The following SPIRE1 variants were observed in gnomAD, a reference collection of about 807,000 sequenced individuals.
SPIRE1 encodes spire type actin nucleation factor 1, also known as protein spire homolog 1.
SPIRE1 carries 40 observed loss-of-function variants against 94.1 expected under a neutral mutation model. The observed-to-expected ratio is 0.43, with a 90% confidence interval of 0.33 to 0.55. The LOEUF is 0.55. Ranked by LOEUF, SPIRE1 falls within the 20% of genes least tolerant of loss-of-function variation. The probability of loss-of-function intolerance (pLI) is 0.06; values close to 1 mark genes in which losing one functional copy is unlikely to be tolerated. For missense variants in SPIRE1, 838 were observed against 975.2 expected (o/e 0.86, Z 1.87); for synonymous variants, 376 against 371.7 (o/e 1.01, Z -0.13).
chr18:12,474,175 A>G (rs1363637719), intron 10 of SPIRE1, among the ~76,000 whole-genome samples: 1 of 152,246 alleles, frequency 6.6e-6, no homozygotes, highest in Non-Finnish European at 1.5e-5. Flanking sequence ...TTCAGTTTAC[A>G]GTTGGAAGTG....
At chr18:12,530,578 T>C (rs993504205) in intron 4 of SPIRE1, among the ~76,000 whole-genome samples, 6 of 152,092 alleles carry the variant, frequency 3.9e-5, no homozygotes, top group African/African-American at 1.4e-4. Flanking sequence ...CCTCTCAAAG[T>C]GCTGGGATTA....
In SPIRE1 at chr18:12,476,719, TA is replaced by T. The variant is rs569548971; in HGVS notation, c.1404+2979del. The stretch of plus-strand genomic sequence containing the variant: ...ATTAAAAAGGAATTATGTATATATT[TA>T]AAAAGGAACATAAGGCATTCCCACA... On this transcript the variant is annotated intron_variant, in intron 10 of 16. Transcript: ENST00000409402. Among the ~76,000 whole-genome samples the T allele has an allele frequency of 6.2e-3, 936 of 151,208 alleles. 9 individuals carry two copies. The highest frequency in any genetic ancestry group is 0.017 in the Middle Eastern group (5 of 288).
intron 2 of SPIRE1, among the ~76,000 whole-genome samples, chr18:12,617,437 A>C (rs1214304175): frequency 6.6e-6 from 1 of 151,266 alleles, no homozygotes; most frequent in Admixed American, 6.6e-5. Context: ...TTGGAGACAG[A>C]GTTTCGCTTT....
intron 1 of SPIRE1, chr18:12,653,216 C>T (rs1479450031): frequency 6.6e-6 from 1 of 152,168 alleles, no homozygotes; most frequent in Non-Finnish European, 1.5e-5. Flanking sequence ...GCCACCACAA[C>T]AAAGTATTAC....
rs114208290 is a variant in SPIRE1, at chr18:12,616,658, G to A, written c.372+18404C>T. 9.4e-3 allele frequency among the ~76,000 whole-genome samples: 1,436 copies of A among 152,312 alleles called. 31 individuals carry two copies. The highest frequency in any genetic ancestry group is 0.032 in the African/African-American group (1,324 of 41,562). ...GCTTACTTACAGGCAGTGGTAGTGC[G>A]AAGGCGGAGCCCTGCCTCATAATTG... On this transcript the variant is annotated intron_variant, in intron 2 of 16. Coordinates refer to ENST00000409402, the MANE Select transcript of SPIRE1 (RefSeq NM_001128626.2).
rs368599511 is a variant in SPIRE1, at chr18:12,463,401, T to C, written c.1588A>G (p.Thr530Ala). ...RRHSIEKETP[T>A]NVRQFLPPSR... is the part of the protein sequence containing the mutation. ...GGCGGCAGGAACTGCCTCACGTTAGTAGGCGTTTCCTTTTCAATGGAATGT... is the reference window on the plus strand; with the variant it reads ...GGCGGCAGGAACTGCCTCACGTTAGCAGGCGTTTCCTTTTCAATGGAATGT... Residue 530 changes from threonine (T) to alanine (A), a missense_variant, in exon 12 of 17, where the codon ACT (threonine) becomes GCT (alanine). Around this residue, in one of 2 missense-constraint regions of SPIRE1, gnomAD observed 645 missense variants for 804.7 expected, o/e 0.80. Coordinates refer to ENST00000409402, the MANE Select transcript of SPIRE1 (RefSeq NM_001128626.2). 3 of 1,614,000 alleles carry C rather than the reference T, an allele frequency of 1.9e-6. No individual in the cohort carries two copies. The highest frequency in any genetic ancestry group is 1.1e-5 in the South Asian group (1 of 91,058).
rs2034068141 is a variant in SPIRE1, at chr18:12,512,539, T to A, written c.730-8A>T. ...TTGAATCTTCTTAAGATTCTACAGG[T>A]TAAAATAATACAGGCATAAACATTT... On this transcript the variant is annotated splice_region_variant and splice_polypyrimidine_tract_variant and intron_variant, in intron 4 of 16. Coordinates refer to ENST00000409402, the MANE Select transcript of SPIRE1 (RefSeq NM_001128626.2). The A allele has an allele frequency of 1.3e-6, 2 of 1,571,182 alleles. No individual in the cohort carries two copies. The highest frequency in any genetic ancestry group is 1.7e-6 in the Non-Finnish European group (2 of 1,146,250).
At chr18:12,513,847 T>C (rs1052822601) in intron 4 of SPIRE1, among the ~76,000 whole-genome samples, 1 of 151,986 alleles carries the variant, frequency 6.6e-6, no homozygotes, top group Non-Finnish European at 1.5e-5. Flanking sequence ...TTAAGATTTA[T>C]TTATTTATTT....
intron 2 of SPIRE1, among the ~76,000 whole-genome samples, chr18:12,587,843 C>T (rs1033113404): frequency 6.6e-6 from 1 of 152,186 alleles, no homozygotes; most frequent in Non-Finnish European, 1.5e-5. Flanking sequence ...AAGATACAAT[C>T]ACCATACAAT....
chr18:12,599,823 C>G (rs2036780918), intron 2 of SPIRE1, among the ~76,000 whole-genome samples: 2 of 152,138 alleles, frequency 1.3e-5, no homozygotes, highest in Admixed American at 1.3e-4. Context: ...CATCCCTGTC[C>G]TTGCCACCTC....
intron 2 of SPIRE1, among the ~76,000 whole-genome samples, chr18:12,610,588 C>T (rs1016690342): frequency 3.3e-5 from 5 of 152,158 alleles, no homozygotes; most frequent in African/African-American, 1.2e-4. Flanking sequence ...CACTGCCTCC[C>T]CACCTGCATT....
At chr18:12,623,238 C>T (rs899871890) in intron 2 of SPIRE1, among the ~76,000 whole-genome samples, 5 of 152,006 alleles carry the variant, frequency 3.3e-5, no homozygotes, top group African/African-American at 1.2e-4. Context: ...ACTGCAAGCT[C>T]CACCTCCTAG....
intron 2 of SPIRE1, among the ~76,000 whole-genome samples, chr18:12,561,082 C>T (rs752964688): frequency 8.5e-5 from 13 of 152,068 alleles, no homozygotes; most frequent in African/African-American, 1.2e-4. Flanking sequence ...AAATATCTTA[C>T]GTAACCCACA....
At chr18:12,537,722 C>A (rs910644054) in intron 3 of SPIRE1, among the ~76,000 whole-genome samples, 3 of 151,958 alleles carry the variant, frequency 2.0e-5, no homozygotes, top group Non-Finnish European at 2.9e-5. Context: ...GGCCAGAGAA[C>A]AATTGGATAA....
rs763662699 is a variant in SPIRE1 at position 12,454,454 on chromosome 18, G to A, written c.1668C>T (p.Leu556=). The change falls in exon 13 of 17, where the codon CTC becomes CTT. Residue 556 remains leucine, a synonymous_variant. Transcript: ENST00000409402. Reference sequence around the variant, plus strand: ...GCATCACTTCTTCCACAGTAAGAGCGAGGCATTCCACTGGGTAGCAGAATT... The same window carrying A: ...GCATCACTTCTTCCACAGTAAGAGCAAGGCATTCCACTGGGTAGCAGAATT... ...LEEFCYPVEC[L]ALTVEEVMHI... The A allele has an allele frequency of 3.5e-5, 57 of 1,613,652 alleles. No individual in the cohort carries two copies. Among genetic ancestry groups the A allele is most frequent in the Admixed American group, 5.0e-5 (3 of 59,964 alleles).
intron 12 of SPIRE1, among the ~76,000 whole-genome samples, chr18:12,461,407 C>T (rs2031789802): frequency 1.3e-5 from 1 of 76,688 alleles, no homozygotes; most frequent in Non-Finnish European, 2.7e-5. Context: ...CTTACCTATA[C>T]ACATGTATGT....
At chr18:12,552,350 C>G (rs181486610) in intron 2 of SPIRE1, among the ~76,000 whole-genome samples, 1 of 152,266 alleles carries the variant, frequency 6.6e-6, no homozygotes, top group Admixed American at 6.5e-5. Flanking sequence ...CTCCCAACGC[C>G]AGGCAGCACA....
intron 2 of SPIRE1, among the ~76,000 whole-genome samples, chr18:12,560,041 G>A (rs916690504): frequency 2.0e-5 from 3 of 152,172 alleles, no homozygotes; most frequent in African/African-American, 4.8e-5. Flanking sequence ...AAACTACAAT[G>A]ATATCTCATT....
chr18:12,464,734 C>T (rs993856991), intron 11 of SPIRE1, 134 bp downstream of exon 11: 25 of 668,088 alleles, frequency 3.7e-5, no homozygotes, highest in Admixed American at 2.5e-4. Flanking sequence ...TATTTCATCT[C>T]CCGATCAGTG....
Sources: allele counts gnomAD v4.1 joint callset (sites outside exome capture counted in the v4.1 genomes callset), GRCh38; gene constraint gnomAD v4.1.1; regional missense constraint gnomAD v4.1.1; transcripts MANE v1.5; gene names NCBI Gene and HGNC (gene_info 2026-07-23, HGNC 2026-07-21).